The following CNKSR3 variants were observed in gnomAD, a reference collection of about 807,000 sequenced individuals.
The protein encoded by CNKSR3 is CNKSR family member 3.
In CNKSR3, 36 loss-of-function variants were observed where a neutral mutation model predicts 67.7. The ratio of observed to expected loss-of-function variants is 0.53; its 90% CI spans 0.41 to 0.70. The LOEUF (loss-of-function observed/expected upper bound fraction) is 0.70, where lower values mean the gene tolerates loss of function less well. CNKSR3 is among the 30% of genes least tolerant of loss of function. The pLI is 0.00. For synonymous variants in CNKSR3, 281 were observed against 271.4 expected (o/e 1.04, Z -0.35); for missense variants, 630 against 695.2 (o/e 0.91, Z 1.05).
At chr6:154,424,161 G>A (rs1176373419) in intron 7 of CNKSR3, among the ~76,000 whole-genome samples, 4 of 150,974 alleles carry the variant, frequency 2.6e-5, no homozygotes, top group African/African-American at 9.7e-5. Context: ...GAACCCAGGA[G>A]CGGAGCTTGC....
intron 1 of CNKSR3, among the ~76,000 whole-genome samples, chr6:154,457,354 T>C (rs372800981): frequency 6.6e-6 from 1 of 152,184 alleles, no homozygotes; most frequent in African/African-American, 2.4e-5. Context: ...TAGGCCTTAA[T>C]TTTCAGGACT....
chr6:154,479,855 T>C (rs892204278), intron 1 of CNKSR3, among the ~76,000 whole-genome samples: 1 of 152,238 alleles, frequency 6.6e-6, no homozygotes, highest in Non-Finnish European at 1.5e-5. Context: ...GAGATTTTAT[T>C]CTTGCAACTT....
chr6:154,441,257 A>C (rs1026296445), intron 4 of CNKSR3, 35 bp downstream of exon 4: 1 of 1,281,152 alleles, frequency 7.8e-7, no homozygotes, highest in East Asian at 2.3e-5. Context: ...AAAAAAAAAA[A>C]AAAAAAAAGA....
intron 1 of CNKSR3, among the ~76,000 whole-genome samples, chr6:154,500,620 T>A (rs1786977197): frequency 1.3e-5 from 2 of 152,214 alleles, no homozygotes; most frequent in South Asian, 4.1e-4. Flanking sequence ...GCCCAGCTCT[T>A]GTTGAAAATT....
In CNKSR3 at chr6:154,394,756, G is replaced by C. The variant is rs952190820; in HGVS notation, c.*11598C>G. 3.3e-5 allele frequency: 5 copies of C among 151,980 alleles called. No homozygotes were observed. Among genetic ancestry groups the C allele is most frequent in the African/African-American group, 1.2e-4 (5 of 41,382 alleles). The allele number at this position is 151,980 out of a possible 1,614,324, so 9.4% of individuals were successfully genotyped here. A position where few individuals can be genotyped will look rare whatever the true frequency, so the allele number is the denominator to read the frequency against. The stretch of plus-strand genomic sequence containing the variant: ...ACCACTGTTCTTTCCTGAACCTTAG[G>C]AAAGCCATCAGATAACTGTCCGATT... On this transcript the variant is annotated 3_prime_UTR_variant, in exon 13 of 13. Transcript: ENST00000607772.
intron 1 of CNKSR3, among the ~76,000 whole-genome samples, chr6:154,507,183 G>A (rs1305919233): frequency 1.3e-5 from 2 of 152,170 alleles, no homozygotes; most frequent in Non-Finnish European, 2.9e-5. Context: ...CTAACATTAC[G>A]GTAAAATTGG....
rs1182292321 is a variant in CNKSR3, at chr6:154,388,278, AAT to A, written c.*18074_*18075del. 21 of 152,222 alleles carry A rather than the reference AAT, an allele frequency of 1.4e-4. No individual in the cohort carries two copies. The highest frequency in any genetic ancestry group is 4.8e-4 in the African/African-American group (20 of 41,462). The allele number at this position is 152,222 out of a possible 1,614,324, so 9.4% of individuals were successfully genotyped here. ...ATCCTGCCATATTAGTCTTTCTGTT[AAT>A]AGTTTATTTCACTTAGCGTAATGTC... is the stretch of plus-strand genomic sequence containing the variant. On this transcript the variant is annotated 3_prime_UTR_variant, in exon 13 of 13. Coordinates refer to ENST00000607772, the MANE Select transcript of CNKSR3 (RefSeq NM_173515.4).
chr6:154,411,107 C>A lies in CNKSR3; in HGVS notation c.1106G>T (p.Ser369Ile), dbSNP rs377522834. 5.0e-6 allele frequency: 8 copies of A among 1,613,628 alleles called. No homozygotes were observed. Among genetic ancestry groups the A allele is most frequent in the Non-Finnish European group, 6.8e-6 (8 of 1,179,704 alleles). The change falls in exon 11 of 13, where the codon AGT (serine) becomes ATT (isoleucine). Residue 369 changes from serine to isoleucine, a missense_variant. By Grantham distance (142) the Ser-to-Ile change is moderately radical. Around this residue, in one of 3 missense-constraint regions of CNKSR3, gnomAD observed 308 missense variants for 299.6 expected, o/e 1.03. Transcript: ENST00000607772. ...ENGSFVYGGS[S>I]KCKQPLPGPK... ...ACCAGGCAATGGTTGTTTGCACTTACTGGACCCTCCATAAACAAAACTGCC... is the reference window on the plus strand; with the variant it reads ...ACCAGGCAATGGTTGTTTGCACTTAATGGACCCTCCATAAACAAAACTGCC...
chr6:154,470,187 C>CT (rs1562347543), intron 1 of CNKSR3, among the ~76,000 whole-genome samples: 3 of 80,878 alleles, frequency 3.7e-5, no homozygotes, highest in African/African-American at 1.1e-4. Flanking sequence ...TACTTTCTTT[C>CT]CTTTTTTTTT....
At chr6:154,455,085 T>A (rs575105840) in intron 1 of CNKSR3, among the ~76,000 whole-genome samples, 1 of 147,784 alleles carries the variant, frequency 6.8e-6, no homozygotes, top group Non-Finnish European at 1.5e-5. Flanking sequence ...AAGGAGGGTG[T>A]ATCACTTGAG....
At chr6:154,449,375 T>C (rs1435030573) in intron 2 of CNKSR3, among the ~76,000 whole-genome samples, 1 of 152,208 alleles carries the variant, frequency 6.6e-6, no homozygotes, top group East Asian at 1.9e-4. Context: ...CAGGCTAGAG[T>C]GCAGTGGTGC....
At chr6:154,433,012 C>G (rs143449217) in intron 5 of CNKSR3, among the ~76,000 whole-genome samples, 226 of 152,308 alleles carry the variant, frequency 1.5e-3, no homozygotes, top group African/African-American at 5.2e-3. Flanking sequence ...CAAAAGAGCA[C>G]AGGCTGGCGT....
intron 1 of CNKSR3, among the ~76,000 whole-genome samples, chr6:154,497,404 A>C (rs1033255490): frequency 1.4e-5 from 2 of 146,540 alleles, no homozygotes; most frequent in Non-Finnish European, 3.0e-5. Context: ...AACGAGAGAA[A>C]GAGAGAGAGA....
intron 1 of CNKSR3, among the ~76,000 whole-genome samples, chr6:154,499,298 CT>C (rs1299958820): frequency 6.6e-6 from 1 of 152,188 alleles, no homozygotes; most frequent in African/African-American, 2.4e-5. Context: ...AAGAGTCTGG[CT>C]TATGTCACCT....
intron 1 of CNKSR3, among the ~76,000 whole-genome samples, chr6:154,502,168 A>G (rs1444890996): frequency 6.6e-6 from 1 of 151,492 alleles, no homozygotes; most frequent in Non-Finnish European, 1.5e-5. Flanking sequence ...GCCATACGTT[A>G]TGCAAAGGGC....
rs749453564 is a variant in CNKSR3, at chr6:154,459,132, G to GAGAA, written c.53-8878_53-8875dup. 7.9e-3 allele frequency among the ~76,000 whole-genome samples: 1,175 copies of GAGAA among 148,012 alleles called. 7 individuals are homozygous for GAGAA. Among genetic ancestry groups the GAGAA allele is most frequent in the Middle Eastern group, 0.034 (10 of 292 alleles). The stretch of plus-strand genomic sequence containing the variant: ...AAGAAAGAAAGAGAAGAAAAAGAGA[G>GAGAA]AGAAAGAAAGAAAGAAAGAAAGGAA... On this transcript the variant is annotated intron_variant, in intron 1 of 12. Transcript: ENST00000607772.
intron 1 of CNKSR3, among the ~76,000 whole-genome samples, chr6:154,486,293 C>CTTTTT (rs1307742661): frequency 6.7e-4 from 99 of 148,048 alleles, no homozygotes; most frequent in African/African-American, 2.4e-3. Flanking sequence ...CTCTCTCTCT[C>CTTTTT]TTTTTCTTTT....
intron 9 of CNKSR3, among the ~76,000 whole-genome samples, chr6:154,415,228 A>ATTTTTTTTTTTTTTTT (rs35873703): frequency 4.2e-5 from 5 of 118,104 alleles, no homozygotes; most frequent in Admixed American, 9.2e-5. Context: ...CTAGCTGCCC[A>ATTTTTTTTTTTTTTTT]TTTTTTTTTT....
chr6:154,413,892 C>T (rs1784960104), intron 10 of CNKSR3, among the ~76,000 whole-genome samples: 1 of 152,122 alleles, frequency 6.6e-6, no homozygotes, highest in South Asian at 2.1e-4. Context: ...GGACTACAGG[C>T]ATCTGCCACC....
Sources: allele counts gnomAD v4.1 joint callset (sites outside exome capture counted in the v4.1 genomes callset), GRCh38; gene constraint gnomAD v4.1.1; regional missense constraint gnomAD v4.1.1; transcripts MANE v1.5; gene names NCBI Gene and HGNC (gene_info 2026-07-23, HGNC 2026-07-21).